HNRNPL: variants seen among roughly 807,000 people sequenced by gnomAD.
HNRNPL encodes heterogeneous nuclear ribonucleoprotein L.
A neutral mutation model predicts 64.0 loss-of-function variants in HNRNPL; 12 were observed. The observed-to-expected ratio is 0.19, with a 90% CI of 0.12 to 0.30. The LOEUF (loss-of-function observed/expected upper bound fraction) is 0.30, where lower values mean the gene tolerates loss of function less well. Ranked by LOEUF, HNRNPL falls within the 10% of genes least tolerant of loss-of-function variation. HNRNPL has a pLI of 1.00. For synonymous variants in HNRNPL, 385 were observed against 313.0 expected (o/e 1.23, Z -2.43); for missense variants, 484 against 797.4 (o/e 0.61, Z 4.73).
intron 6 of HNRNPL, chr19:38,840,816 T>A: frequency 2.0e-6 from 1 of 509,328 alleles, no homozygotes; most frequent in Non-Finnish European, 3.4e-6. Context: ...CCAGATTCTG[T>A]GCTCTCACCT....
rs770823422 is a variant in HNRNPL, at chr19:38,847,446, A to C, written c.268-12T>G. On this transcript the variant is annotated splice_polypyrimidine_tract_variant and intron_variant, in intron 1 of 12. Transcript: ENST00000221419. The stretch of plus-strand genomic sequence containing the variant: ...TCATCGTAGTTCTCCTGAGAAAGGA[A>C]GCAAAAACAAGAATTATTTTCTTGC... 6.2e-6 allele frequency: 9 copies of C among 1,445,192 alleles called. No homozygotes were observed. The Middle Eastern group carries it at 5.5e-4, about 88-fold the overall frequency. 89.5% of individuals were successfully genotyped at this position (1,445,192 alleles called of 1,614,324 possible).
intron 12 of HNRNPL, 93 bp from the exon 13 acceptor site, chr19:38,836,873 C>G: frequency 1.1e-6 from 1 of 895,060 alleles, no homozygotes; most frequent in Non-Finnish European, 1.8e-6. Context: ...CCATTTTCTG[C>G]AGGTCAACGG....
intron 4 of HNRNPL, among the ~76,000 whole-genome samples, 175 bp from the exon 5 acceptor site, chr19:38,844,279 T>TG (rs1299286123): frequency 9.2e-5 from 14 of 152,184 alleles, no homozygotes; most frequent in Non-Finnish European, 2.1e-4. Flanking sequence ...ACGGTGTTGA[T>TG]GGACTCAACG....
Position 38,840,161 on chromosome 19 carries a change from C to T in HNRNPL, c.1168G>A (p.Asp390Asn). ...DSPVLMVYGLDQSKMNCDRVF... is the reference protein window; with the variant it reads ...DSPVLMVYGLNQSKMNCDRVF... ...CGGTCACAGTTCATCTTAGATTGAT[C>T]CAAGCCATAGACCATGAGCACAGGG... Residue 390 changes from aspartate (D) to asparagine (N), a missense_variant, in exon 8 of 13, where the codon GAT (aspartate) becomes AAT (asparagine). Coordinates refer to ENST00000221419, the MANE Select transcript of HNRNPL (RefSeq NM_001533.3). 6.2e-7 allele frequency: 1 copy of T among 1,611,294 alleles called. No individual in the cohort carries two copies. Among genetic ancestry groups the T allele is most frequent in the Non-Finnish European group, 8.5e-7 (1 of 1,178,912 alleles).
chr19:38,841,731 C>A, intron 6 of HNRNPL: 1 of 779,566 alleles, frequency 1.3e-6, no homozygotes, highest in Non-Finnish European at 1.9e-6. Context: ...GGTACACATC[C>A]GCTACAATTT....
In HNRNPL at chr19:38,836,752, C is replaced by T; in HGVS notation, c.1740G>A (p.Leu580=). 1 of 1,613,506 alleles carries T rather than the reference C, an allele frequency of 6.2e-7. No individual in the cohort carries two copies. Among genetic ancestry groups the T allele is most frequent in the Non-Finnish European group, 8.5e-7 (1 of 1,179,716 alleles). ...PNGPYPYTLK[L]CFSTAQHAS The stretch of plus-strand genomic sequence containing the variant: ...AGGCGTGCTGAGCAGTGGAGAAACA[C>T]AACTTCAGAGTGTAAGGGTATGGAC... Residue 580 remains leucine, a synonymous_variant, in exon 13 of 13, where the codon TTG becomes TTA. Coordinates refer to ENST00000221419, the MANE Select transcript of HNRNPL (RefSeq NM_001533.3).
chr19:38,849,906 G>T lies in HNRNPL; in HGVS notation c.61C>A (p.Gln21Lys). The T allele has an allele frequency of 1.6e-6, 2 of 1,277,104 alleles. No homozygotes were observed. The highest frequency in any genetic ancestry group is 1.1e-6 in the Non-Finnish European group (1 of 916,524). The allele number at this position is 1,277,104 out of a possible 1,614,324, so 79.1% of individuals were successfully genotyped here. Reference protein sequence around the residue: ...KRRRRLEQRQQPDEQRRRSGA... With the variant: ...KRRRRLEQRQKPDEQRRRSGA... Reference sequence around the variant, plus strand: ...GACCGCCTCCGCTGCTCGTCCGGCTGCTGCCTCTGCTCCAGCCGCCGACGC... The same window carrying T: ...GACCGCCTCCGCTGCTCGTCCGGCTTCTGCCTCTGCTCCAGCCGCCGACGC... Residue 21 changes from glutamine (Q) to lysine (K), a missense_variant, in exon 1 of 13, where the codon CAG becomes AAG. Around this residue, in one of 9 missense-constraint regions of HNRNPL, gnomAD observed 190 missense variants for 160.1 expected, o/e 1.19. Coordinates refer to ENST00000221419, the MANE Select transcript of HNRNPL (RefSeq NM_001533.3).
upstream of HNRNPL, among the ~76,000 whole-genome samples, chr19:38,851,718 C>A (rs1212454346): frequency 6.6e-6 from 1 of 152,148 alleles, no homozygotes; most frequent in Non-Finnish European, 1.5e-5. Context: ...GAGCCGTGAT[C>A]GCGCCCCTGC....
intron 6 of HNRNPL, chr19:38,842,105 A>T (rs1288728719): frequency 4.4e-4 from 59 of 132,876 alleles, no homozygotes; most frequent in Middle Eastern, 4.0e-3. Flanking sequence ...TGTGGTTAAA[A>T]TTTTTTTTTT....
At chr19:38,841,339 C>T (rs1972111669) in intron 6 of HNRNPL, 1 of 345,378 alleles carries the variant, frequency 2.9e-6, no homozygotes, top group Non-Finnish European at 5.7e-6. Flanking sequence ...TATTTCAGCC[C>T]CATTTTACAG....
intron 5 of HNRNPL, 33 bp downstream of exon 5, chr19:38,843,975 G>C: frequency 1.2e-6 from 2 of 1,608,980 alleles, no homozygotes; most frequent in East Asian, 4.5e-5. Flanking sequence ...CCTGGAAGCT[G>C]ACAAGGGGCA....
At chr19:38,846,862 T>C (rs1225215905) in intron 2 of HNRNPL, among the ~76,000 whole-genome samples, 1 of 152,076 alleles carries the variant, frequency 6.6e-6, no homozygotes, top group African/African-American at 2.4e-5. Flanking sequence ...GAGCTGAGAT[T>C]GTCACTGCAC....
chr19:38,850,937 T>C (rs966399859), upstream of HNRNPL: 1 of 152,250 alleles, frequency 6.6e-6, no homozygotes, highest in Non-Finnish European at 1.5e-5. Flanking sequence ...CCACCTGCAA[T>C]AGTCCACTAC....
chr19:38,841,389 A>G (rs1313182267), intron 6 of HNRNPL: 1 of 357,610 alleles, frequency 2.8e-6, no homozygotes, highest in Non-Finnish European at 5.5e-6. Context: ...TGAGCAGTTA[A>G]AAGACACTTT....
upstream of HNRNPL, chr19:38,850,117 C>T (rs374135240): frequency 1.7e-6 from 1 of 574,704 alleles, no homozygotes; most frequent in Non-Finnish European, 2.8e-6. Context: ...ACATTGCCCA[C>T]GCCGTTCTGC....
At chr19:38,843,960 G>A in intron 5 of HNRNPL, 46 bp from the exon 6 acceptor site, 1 of 1,606,666 alleles carries the variant, frequency 6.2e-7, no homozygotes, top group Admixed American at 1.7e-5. Context: ...CCATGCCCCA[G>A]CTCACCTGGA....
chr19:38,840,298 C>A lies in HNRNPL; in HGVS notation c.1031G>T (p.Arg344Met). The change falls in exon 8 of 13, where the codon AGG (arginine) becomes ATG (methionine). Residue 344 changes from arginine (R) to methionine (M), a missense_variant. Physicochemically the swap from Arg to Met is moderately conservative, Grantham distance 91 (BLOSUM62 -1). This residue lies in a region of HNRNPL where 46 missense variants were observed against 37.4 expected (regional missense o/e 1.23). Transcript: ENST00000221419. ...GPPPPHYEGR[R>M]MGPPVGGHRR... Reference sequence around the variant, plus strand: ...GTGACCCCCCACTGGTGGACCCATCCTTCTCCCTTCGTAGTGAGGTGGGGG... The same window carrying A: ...GTGACCCCCCACTGGTGGACCCATCATTCTCCCTTCGTAGTGAGGTGGGGG... The A allele has an allele frequency of 6.4e-7, 1 of 1,569,548 alleles. No individual in the cohort carries two copies. Among genetic ancestry groups the A allele is most frequent in the Non-Finnish European group, 8.6e-7 (1 of 1,157,358 alleles).
Position 38,846,005 on chromosome 19 carries a change from C to T in HNRNPL, c.472G>A (p.Ala158Thr), listed in dbSNP as rs1374413744. 1 of 1,614,056 alleles carries T rather than the reference C, an allele frequency of 6.2e-7. No individual in the cohort carries two copies. Among genetic ancestry groups the T allele is most frequent in the Non-Finnish European group, 8.5e-7 (1 of 1,180,036 alleles). The change falls in exon 3 of 13, where the codon GCC becomes ACC. Residue 158 changes from alanine (A) to threonine (T), a missense_variant. By Grantham distance (58) the Ala-to-Thr change is moderately conservative. Around this residue, in one of 9 missense-constraint regions of HNRNPL, gnomAD observed 23 missense variants for 70.8 expected, o/e 0.32. Transcript: ENST00000221419. ...LGACNAVNYA[A>T]DNQIYIAGHP... The stretch of plus-strand genomic sequence containing the variant: ...CCAGCAATGTATATTTGGTTGTCGG[C>T]TGCGTAGTTCACTGCGTTGCAAGCC...
intron 5 of HNRNPL, 30 bp from the exon 6 acceptor site, chr19:38,843,944 G>A (rs767190542): frequency 6.8e-6 from 11 of 1,611,772 alleles, no homozygotes; most frequent in Non-Finnish European, 9.3e-6. Context: ...CAAGACTTGA[G>A]GTCAGCCATG....
Sources: gnomAD v4.1 joint callset for allele counts (sites outside exome capture counted in the v4.1 genomes callset) on GRCh38, gnomAD v4.1.1 for gene constraint, gnomAD v4.1.1 regional missense constraint, MANE v1.5 for transcripts, NCBI Gene and HGNC (gene_info 2026-07-23, HGNC 2026-07-21) for gene names.